Variants in ACOT11 observed in about 807,000 individuals in gnomAD.
ACOT11 encodes acyl-CoA thioesterase 11.
In ACOT11, 69 loss-of-function variants were observed where a neutral mutation model predicts 77.5. The observed-to-expected ratio is 0.89, with a 90% CI of 0.73 to 1.09. The LOEUF is 1.09. Ranked by LOEUF, ACOT11 falls within the 50% of genes least tolerant of loss-of-function variation. The pLI, the probability that ACOT11 is intolerant of heterozygous loss-of-function variation, is 0.00. For synonymous variants in ACOT11, 279 were observed against 313.0 expected, an observed-to-expected ratio of 0.89 and a Z score of 1.15; for missense variants, 766 against 813.7, an observed-to-expected ratio of 0.94 and a Z score of 0.71.
Position 54,609,215 on chromosome 1 carries a change from T to G in ACOT11, c.*103T>G. 1 of 1,590,024 alleles carries G rather than the reference T, an allele frequency of 6.3e-7. No homozygotes were observed. Among genetic ancestry groups the G allele is most frequent in the Non-Finnish European group, 8.6e-7 (1 of 1,166,686 alleles). On this transcript the variant is annotated 3_prime_UTR_variant, in exon 16 of 16. Transcript: ENST00000343744. Reference sequence around the variant, plus strand: ...CCAAAGACCTTTATTTCTTCCTGCCTCCCCGTGGGAAGCCTCCGCCCTGAG... The same window carrying G: ...CCAAAGACCTTTATTTCTTCCTGCCGCCCCGTGGGAAGCCTCCGCCCTGAG...
chr1:54,620,713 G>A (rs1022273479), intron 15 of ACOT11, among the ~76,000 whole-genome samples: 4 of 151,312 alleles, frequency 2.6e-5, no homozygotes, highest in Non-Finnish European at 4.4e-5. Flanking sequence ...GATGGACGTG[G>A]TGGCAGGAGC....
At chr1:54,561,012 C>T (rs1653456283) in intron 1 of ACOT11, among the ~76,000 whole-genome samples, 1 of 152,162 alleles carries the variant, frequency 6.6e-6, no homozygotes, top group Non-Finnish European at 1.5e-5. Context: ...GCAATCCGCC[C>T]ACCTTGGCCT....
At chr1:54,617,272 G>A (rs1165792444) in intron 15 of ACOT11, among the ~76,000 whole-genome samples, 1 of 152,082 alleles carries the variant, frequency 6.6e-6, no homozygotes, top group Non-Finnish European at 1.5e-5. Context: ...TGTAGTGGAG[G>A]GGAGAGGGGC....
At chr1:54,618,503 TCAAAA>T (rs1263650816) in intron 15 of ACOT11, among the ~76,000 whole-genome samples, 2 of 152,044 alleles carry the variant, frequency 1.3e-5, no homozygotes, top group Non-Finnish European at 2.9e-5. Flanking sequence ...AGATCCTGTC[TCAAAA>T]CAAACAAACA....
At chr1:54,578,206 G>A (rs972875864) in intron 1 of ACOT11, among the ~76,000 whole-genome samples, 8 of 152,214 alleles carry the variant, frequency 5.3e-5, no homozygotes, top group Admixed American at 4.6e-4. Context: ...CTTGCTGCCC[G>A]TTAAGAATCT....
intron 4 of ACOT11, among the ~76,000 whole-genome samples, chr1:54,593,240 C>T (rs780520185): frequency 5.3e-5 from 8 of 152,122 alleles, no homozygotes; most frequent in Non-Finnish European, 7.3e-5. Context: ...CATGAATGCT[C>T]AGGTACCCCC....
At chr1:54,601,127 A>G (rs41297127) in intron 8 of ACOT11, 142 bp from the exon 9 acceptor site, 38 of 772,064 alleles carry the variant, frequency 4.9e-5, no homozygotes, top group African/African-American at 1.9e-4. Flanking sequence ...ATGTGTGTGT[A>G]TGTGTGTGCA....
At chr1:54,574,092 A>G (rs1337947110) in intron 1 of ACOT11, among the ~76,000 whole-genome samples, 1 of 152,162 alleles carries the variant, frequency 6.6e-6, no homozygotes, top group East Asian at 1.9e-4. Context: ...TATACAAGGA[A>G]GAATGATTGT....
intron 6 of ACOT11, among the ~76,000 whole-genome samples, chr1:54,596,405 G>A (rs1227318436): frequency 6.6e-6 from 1 of 152,154 alleles, no homozygotes; most frequent in Non-Finnish European, 1.5e-5. Flanking sequence ...GGGTTTGGTG[G>A]GGCATGCCAG....
At chr1:54,629,476 T>C (rs1406792491) in intron 15 of ACOT11, among the ~76,000 whole-genome samples, 1 of 132,416 alleles carries the variant, frequency 7.6e-6, no homozygotes, top group Non-Finnish European at 1.7e-5. Flanking sequence ...TTAGCAGAGA[T>C]GGGGTTTCAC....
chr1:54,584,713 A>T lies in ACOT11; in HGVS notation c.92A>T (p.Asn31Ile). ...TSRKSALRAG[N>I]DSAMADGEGY... ...CGGAAGTCAGCCTTACGTGCGGGGA[A>T]CGACAGTGCCATGGCAGACGGCGAG... The change falls in exon 2 of 16, where the codon AAC (asparagine) becomes ATC (isoleucine). Residue 31 changes from asparagine (N) to isoleucine (I), a missense_variant. Coordinates refer to ENST00000343744, the MANE Select transcript of ACOT11 (RefSeq NM_147161.4). The surrounding 1 kb of genome is among the most constrained non-coding windows in gnomAD (Gnocchi z 6.3). The T allele has an allele frequency of 2.5e-6, 4 of 1,614,040 alleles. No homozygotes were observed. In the South Asian group the frequency reaches 4.4e-5, roughly 18 times the overall value.
chr1:54,566,433 G>A (rs919937995), intron 1 of ACOT11, among the ~76,000 whole-genome samples: 4 of 148,206 alleles, frequency 2.7e-5, no homozygotes, highest in African/African-American at 1.0e-4. Context: ...CTCCAGCCTG[G>A]GTGACAGAGC....
chr1:54,630,306 C>T (rs1490723900), intron 15 of ACOT11, among the ~76,000 whole-genome samples: 1 of 152,104 alleles, frequency 6.6e-6, no homozygotes, highest in African/African-American at 2.4e-5. Flanking sequence ...AAGCCCCCCA[C>T]AGTCTGGCCA....
intron 1 of ACOT11, 149 bp downstream of exon 1, chr1:54,548,491 G>A: frequency 9.9e-7 from 1 of 1,009,370 alleles, no homozygotes; most frequent in Non-Finnish European, 1.5e-6. Flanking sequence ...AGAAATCGCA[G>A]AACCCCTGGG....
intron 15 of ACOT11, chr1:54,619,720 C>T: frequency 1.2e-6 from 1 of 819,436 alleles, no homozygotes; most frequent in South Asian, 1.7e-5. Context: ...CACTTAACCC[C>T]TCTGAGCCCC....
At chr1:54,559,982 G>C (rs945744006) in intron 1 of ACOT11, among the ~76,000 whole-genome samples, 5 of 152,182 alleles carry the variant, frequency 3.3e-5, no homozygotes, top group Admixed American at 1.3e-4. Context: ...CTGCTGGCTG[G>C]GTCCTCTGCC....
At chr1:54,570,411 C>T (rs939319055) in intron 1 of ACOT11, among the ~76,000 whole-genome samples, 1 of 152,226 alleles carries the variant, frequency 6.6e-6, no homozygotes, top group Non-Finnish European at 1.5e-5. Flanking sequence ...CCATCTGACC[C>T]CCACTGCTCT....
At chr1:54,606,662 T>C (rs902507888) in intron 13 of ACOT11, among the ~76,000 whole-genome samples, 13 of 152,334 alleles carry the variant, frequency 8.5e-5, no homozygotes, top group African/African-American at 2.6e-4. Context: ...GGGGCTGTTA[T>C]GGAGATTAAG....
chr1:54,562,997 G>T (rs1419533459), intron 1 of ACOT11, among the ~76,000 whole-genome samples: 3 of 147,658 alleles, frequency 2.0e-5, no homozygotes, highest in African/African-American at 7.6e-5. Flanking sequence ...TCACTTCCCA[G>T]ACGGGGTGGC....
Sources: allele counts gnomAD v4.1 joint callset (sites outside exome capture counted in the v4.1 genomes callset), GRCh38; gene constraint gnomAD v4.1.1; non-coding constraint Gnocchi (gnomAD v3.1); transcripts MANE v1.5; gene names NCBI Gene and HGNC (gene_info 2026-07-23, HGNC 2026-07-21).